The following CDKN2B-AS1 variants were observed in gnomAD, a reference collection of about 807,000 sequenced individuals.
The protein encoded by CDKN2B-AS1 is CDKN2B and CDKN2A antisense cis and trans regulatory RNA 1.
chr9:21,998,223 A>C (rs1266545246), intron 1 of CDKN2B-AS1, among the ~76,000 whole-genome samples: 1 of 152,214 alleles, frequency 6.6e-6, no homozygotes, highest in Non-Finnish European at 1.5e-5. Context: ...TCTTTCTAGC[A>C]TAACAATGGG....
rs193172533 is a variant in CDKN2B-AS1 at position 22,000,614 on chromosome 9, C to A, written n.29+5453C>A. Among the ~76,000 whole-genome samples, 1 of 152,272 alleles carries A rather than the reference C, an allele frequency of 6.6e-6. No individual in the cohort carries two copies. The highest frequency in any genetic ancestry group is 1.9e-4 in the East Asian group (1 of 5,184). ...ATGGAATGAGGAGCCATGCCATATA[C>A]ATCTTTACAACAGTCACCCTCTAGA... On this transcript the variant is annotated intron_variant and non_coding_transcript_variant, in intron 1 of 4. Coordinates refer to ENST00000650946, the Ensembl canonical transcript of CDKN2B-AS1. This position sits in a 1 kb window ranked among gnomAD's most constrained non-coding sequence, Gnocchi z 4.1.
intron 4 of CDKN2B-AS1, among the ~76,000 whole-genome samples, chr9:22,108,951 A>G (rs532102857): frequency 1.3e-5 from 2 of 152,328 alleles, no homozygotes; most frequent in Non-Finnish European, 2.9e-5. Context: ...AAAATAAAAA[A>G]AACCCCAAAA....
intron 4 of CDKN2B-AS1, among the ~76,000 whole-genome samples, chr9:22,108,403 G>T: frequency 6.6e-6 from 1 of 152,124 alleles, no homozygotes; most frequent in East Asian, 1.9e-4. Context: ...AGTAGTTATT[G>T]GTGAGATCGG....
intron 1 of CDKN2B-AS1, among the ~76,000 whole-genome samples, chr9:22,044,878 C>T (rs890504880): frequency 6.6e-6 from 1 of 152,016 alleles, no homozygotes; most frequent in Non-Finnish European, 1.5e-5. Flanking sequence ...GATGCTGACA[C>T]AACCTTTTTG....
chr9:22,029,643 G>T, intron 1 of CDKN2B-AS1: 3 of 550,830 alleles, frequency 5.4e-6, no homozygotes, highest in Non-Finnish European at 6.6e-6. Context: ...TGTGATAAAA[G>T]AAGAGCCTTG....
chr9:22,013,538 A>T (rs1014544988), intron 1 of CDKN2B-AS1, among the ~76,000 whole-genome samples: 4 of 151,964 alleles, frequency 2.6e-5, no homozygotes, highest in African/African-American at 9.7e-5. Flanking sequence ...TGCTGCCTCG[A>T]ATTCCTGGGC....
At chr9:22,029,575 T>G in intron 1 of CDKN2B-AS1, 1 of 776,698 alleles carries the variant, frequency 1.3e-6, no homozygotes, top group Non-Finnish European at 2.4e-6. Flanking sequence ...TATGTGCCAC[T>G]GAGGCCCACA....
At chr9:22,041,404 T>A (rs1237032169) in intron 1 of CDKN2B-AS1, among the ~76,000 whole-genome samples, 4 of 152,054 alleles carry the variant, frequency 2.6e-5, no homozygotes, top group Admixed American at 6.6e-5. Context: ...AAAACTCCAA[T>A]CAACCCTAGC....
At chr9:22,015,046 T>C (rs1212777394) in intron 1 of CDKN2B-AS1, among the ~76,000 whole-genome samples, 7 of 152,056 alleles carry the variant, frequency 4.6e-5, no homozygotes, top group Admixed American at 2.0e-4. Context: ...TCTTTGCTAT[T>C]GTGAATAGTG....
chr9:22,083,181 T>C (rs1223071614), intron 4 of CDKN2B-AS1, among the ~76,000 whole-genome samples: 1 of 152,222 alleles, frequency 6.6e-6, no homozygotes. Flanking sequence ...ATGAGAAAAT[T>C]GCATCATACA....
At chr9:22,059,244 T>C (rs1823703423) in intron 4 of CDKN2B-AS1, among the ~76,000 whole-genome samples, 1 of 152,228 alleles carries the variant, frequency 6.6e-6, no homozygotes, top group Non-Finnish European at 1.5e-5. Flanking sequence ...CTTCTGCCTA[T>C]GAGCCTGTAA....
intron 4 of CDKN2B-AS1, among the ~76,000 whole-genome samples, chr9:22,108,816 G>A (rs111989407): frequency 5.7e-4 from 87 of 152,154 alleles, no homozygotes; most frequent in African/African-American, 1.9e-3. Context: ...CAAACACCAC[G>A]GAGCAACAAC....
intron 4 of CDKN2B-AS1, among the ~76,000 whole-genome samples, chr9:22,094,215 G>C (rs1011475880): frequency 7.0e-6 from 1 of 143,412 alleles, no homozygotes; most frequent in Non-Finnish European, 1.5e-5. Context: ...TTCCCTTTGT[G>C]GGTAACCCGA....
In CDKN2B-AS1 at chr9:21,995,850, G is replaced by T. The variant is rs1175057081; in HGVS notation, n.29+689G>T. ...CTTCAGGCCGGCGCGCTGACCCGGTGCCCCGACCCGGAGCCTGCGGTCTGC... is the reference window on the plus strand; with the variant it reads ...CTTCAGGCCGGCGCGCTGACCCGGTTCCCCGACCCGGAGCCTGCGGTCTGC... On this transcript the variant is annotated intron_variant and non_coding_transcript_variant, in intron 1 of 4. Coordinates refer to ENST00000650946, the Ensembl canonical transcript of CDKN2B-AS1. The surrounding 1 kb of genome is among the most constrained non-coding windows in gnomAD (Gnocchi z 5.7). The T allele has an allele frequency of 6.6e-6, 1 of 152,266 alleles. No individual in the cohort carries two copies. Among genetic ancestry groups the T allele is most frequent in the African/African-American group, 2.4e-5 (1 of 41,468 alleles). 9.4% of individuals were successfully genotyped at this position (152,266 alleles called of 1,614,324 possible).
intron 4 of CDKN2B-AS1, among the ~76,000 whole-genome samples, chr9:22,076,072 T>C (rs1831733): frequency 0.39 from 59,808 of 151,896 alleles, 12,976 homozygotes; most frequent in Middle Eastern, 0.59. Flanking sequence ...TTATTTTTTT[T>C]AATGGAGTCT....
At chr9:22,021,687 T>C (rs536533222) in intron 1 of CDKN2B-AS1, among the ~76,000 whole-genome samples, 73 of 152,246 alleles carry the variant, frequency 4.8e-4, no homozygotes, top group African/African-American at 1.6e-3. Flanking sequence ...TAAGAAGCTT[T>C]TGGGCTGAGA....
chr9:22,101,376 A>C (rs1406917522), intron 4 of CDKN2B-AS1, among the ~76,000 whole-genome samples: 1 of 151,986 alleles, frequency 6.6e-6, no homozygotes, highest in African/African-American at 2.4e-5. Context: ...ACTCAGTCTG[A>C]AACTGAAAGA....
intron 1 of CDKN2B-AS1, chr9:22,012,520 C>A (rs1348995590): frequency 3.1e-6 from 2 of 641,882 alleles, no homozygotes; most frequent in South Asian, 1.4e-5. Context: ...ACAACCTGCA[C>A]CCCAAGAAGG....
intron 4 of CDKN2B-AS1, among the ~76,000 whole-genome samples, chr9:22,065,242 A>T (rs1823989135): frequency 6.6e-6 from 1 of 152,162 alleles, no homozygotes; most frequent in African/African-American, 2.4e-5. Flanking sequence ...ACACCCATCT[A>T]GGCCACCCAC....
Sources: gnomAD v4.1 joint callset for allele counts (sites outside exome capture counted in the v4.1 genomes callset) on GRCh38, gnomAD v4.1.1 for gene constraint, Gnocchi (gnomAD v3.1) non-coding constraint, MANE v1.5 for transcripts, NCBI Gene and HGNC (gene_info 2026-07-23, HGNC 2026-07-21) for gene names.